The following MBD5 variants were observed in gnomAD, a reference collection of about 807,000 sequenced individuals.
MBD5 encodes methyl-CpG-binding domain protein 5.
In MBD5, 13 loss-of-function variants were observed where a neutral mutation model predicts 117.3. The observed-to-expected ratio is 0.11, with a 90% CI of 0.07 to 0.18. The LOEUF (loss-of-function observed/expected upper bound fraction) is 0.18. Among genes scored for constraint, MBD5 ranks in the 10% least tolerant of loss-of-function variants. The pLI is 1.00. For synonymous variants in MBD5, 727 were observed against 766.4 expected, an observed-to-expected ratio of 0.95 and a Z score of 0.85; for missense variants, 1,879 against 2,093.8, an observed-to-expected ratio of 0.90 and a Z score of 2.00.
intron 1 of MBD5, among the ~76,000 whole-genome samples, chr2:148,126,015 T>G (rs1696880456): frequency 6.6e-6 from 1 of 152,108 alleles, no homozygotes; most frequent in Non-Finnish European, 1.5e-5. Flanking sequence ...AAATCCCTCT[T>G]TAAAGGAAGC....
chr2:148,332,613 G>T (rs1702688086), intron 3 of MBD5, among the ~76,000 whole-genome samples: 1 of 152,094 alleles, frequency 6.6e-6, no homozygotes, highest in African/African-American at 2.4e-5. Context: ...GAATTTTTAT[G>T]TCTTCCCTCC....
intron 1 of MBD5, among the ~76,000 whole-genome samples, chr2:148,150,549 G>A (rs897392907): frequency 7.2e-5 from 11 of 152,210 alleles, no homozygotes; most frequent in East Asian, 1.9e-4. Flanking sequence ...CCATTTTCAC[G>A]ATATTGATTC....
At chr2:148,405,568 A>G (rs1705050625) in intron 4 of MBD5, among the ~76,000 whole-genome samples, 1 of 152,208 alleles carries the variant, frequency 6.6e-6, no homozygotes, top group Non-Finnish European at 1.5e-5. Context: ...GTCATCCAGG[A>G]AGAAAGGAGT....
At chr2:148,333,263 A>G (rs76112566) in intron 3 of MBD5, among the ~76,000 whole-genome samples, 2,932 of 152,280 alleles carry the variant, frequency 0.019, 98 homozygotes, top group African/African-American at 0.066. Context: ...TTAAGGAAGT[A>G]AAAATGTGGA....
At chr2:148,055,412 GTTTTTCTTTTTTTTT>G (rs1054526335) in intron 1 of MBD5, 11 of 132,554 alleles carry the variant, frequency 8.3e-5, no homozygotes, top group East Asian at 6.8e-4. Flanking sequence ...TATTGAATAG[GTTTTTCTTTTTTTTT>G]TTTTTCTTTT....
At chr2:148,452,380 A>G (rs1441369960) in intron 4 of MBD5, among the ~76,000 whole-genome samples, 1 of 152,054 alleles carries the variant, frequency 6.6e-6, no homozygotes, top group Non-Finnish European at 1.5e-5. Flanking sequence ...GACACCTGTG[A>G]TCGCAGCTAT....
chr2:148,360,855 T>C (rs1703511632), intron 4 of MBD5, among the ~76,000 whole-genome samples: 1 of 152,184 alleles, frequency 6.6e-6, no homozygotes, highest in Admixed American at 6.5e-5. Flanking sequence ...AATAATGTTT[T>C]TATATTTCAG....
At chr2:148,137,041 C>T (rs896436188) in intron 1 of MBD5, among the ~76,000 whole-genome samples, 6 of 152,136 alleles carry the variant, frequency 3.9e-5, no homozygotes, top group Non-Finnish European at 7.3e-5. Flanking sequence ...GGATTACAGG[C>T]GTGAGTCACC....
intron 7 of MBD5, among the ~76,000 whole-genome samples, chr2:148,468,081 TA>T (rs1174762943): frequency 6.6e-6 from 1 of 152,082 alleles, no homozygotes; most frequent in African/African-American, 2.4e-5. Flanking sequence ...AGATAAAGAG[TA>T]AATAAGCATA....
intron 1 of MBD5, among the ~76,000 whole-genome samples, chr2:148,085,966 T>C (rs1695781989): frequency 6.6e-6 from 1 of 152,146 alleles, no homozygotes; most frequent in Non-Finnish European, 1.5e-5. Flanking sequence ...AACTAAACTC[T>C]TGGTGGAAGT....
At chr2:148,235,295 T>A (rs943195285) in intron 3 of MBD5, among the ~76,000 whole-genome samples, 9 of 152,194 alleles carry the variant, frequency 5.9e-5, no homozygotes, top group African/African-American at 2.2e-4. Flanking sequence ...GACTATACTA[T>A]CAAATTTCTT....
rs193301917 is a variant in MBD5, at chr2:148,087,042, T to A, written c.-925+65358T>A. On this transcript the variant is annotated intron_variant, in intron 1 of 13. Transcript: ENST00000642680. ...CTAGAGGTAGAGGGAAGATGACAGA[T>A]AGGAGACAGGGCTGACCTGCAGCTC... Among the ~76,000 whole-genome samples, 4 of 152,214 alleles carry A rather than the reference T, an allele frequency of 2.6e-5. No individual in the cohort carries two copies. In the East Asian group the frequency reaches 7.7e-4, roughly 29 times the overall value.
intron 1 of MBD5, among the ~76,000 whole-genome samples, chr2:148,149,374 A>C (rs1320556972): frequency 1.2e-4 from 17 of 138,804 alleles, no homozygotes; most frequent in African/African-American, 4.4e-4. Context: ...AGTCTTTGCT[A>C]TTGTGAATAA....
chr2:148,470,069 G>A lies in MBD5; in HGVS notation c.2126G>A (p.Ser709Asn), dbSNP rs1303544756. Reference sequence around the variant, plus strand: ...ATGTCTCAGTTACTACAGTCTATGAGTTGTCAAAGCTCTCACTTGAGTAGC... The same window carrying A: ...ATGTCTCAGTTACTACAGTCTATGAATTGTCAAAGCTCTCACTTGAGTAGC... ...SSMSQLLQSMSCQSSHLSSNS... is the reference protein window; with the variant it reads ...SSMSQLLQSMNCQSSHLSSNS... The change falls in exon 8 of 14, where the codon AGT becomes AAT. Residue 709 changes from serine to asparagine, a missense_variant. By Grantham distance (46) the Ser-to-Asn change is conservative. Coordinates refer to ENST00000642680, the MANE Select transcript of MBD5 (RefSeq NM_001378120.1). 2 of 1,613,864 alleles carry A rather than the reference G, an allele frequency of 1.2e-6. No homozygotes were observed. The highest frequency in any genetic ancestry group is 3.3e-5 in the Admixed American group (2 of 59,974).
chr2:148,215,533 T>C (rs1699529692), intron 2 of MBD5, among the ~76,000 whole-genome samples: 1 of 152,022 alleles, frequency 6.6e-6, no homozygotes, highest in South Asian at 2.1e-4. Context: ...AGTGGGCAGG[T>C]TGTGGGCGGG....
chr2:148,063,566 A>G (rs113244684), intron 1 of MBD5, among the ~76,000 whole-genome samples: 1 of 151,088 alleles, frequency 6.6e-6, no homozygotes, highest in African/African-American at 2.4e-5. Context: ...TTTTTTTTTT[A>G]ATACAAAAAC....
chr2:148,176,045 G>A (rs148404775), intron 1 of MBD5, among the ~76,000 whole-genome samples: 249 of 152,184 alleles, frequency 1.6e-3, no homozygotes, highest in African/African-American at 5.6e-3. Context: ...GACTATTTGT[G>A]ATTTACAGAG....
chr2:148,485,342 A>G (rs761319348), intron 9 of MBD5: 14 of 180,850 alleles, frequency 7.7e-5, no homozygotes, highest in Non-Finnish European at 1.3e-4. Context: ...AGGCTCACTT[A>G]TTTTAATTAT....
intron 3 of MBD5, among the ~76,000 whole-genome samples, chr2:148,272,713 A>G (rs760541203): frequency 3.4e-4 from 52 of 151,986 alleles, no homozygotes; most frequent in Admixed American, 6.6e-4. Context: ...GTTCACATAT[A>G]TTTTCTTCCA....
Sources: allele counts gnomAD v4.1 joint callset (sites outside exome capture counted in the v4.1 genomes callset), GRCh38; gene constraint gnomAD v4.1.1; transcripts MANE v1.5; gene names NCBI Gene and HGNC (gene_info 2026-07-23, HGNC 2026-07-21).